The following SLA variants were observed in gnomAD, a reference collection of about 807,000 sequenced individuals.
SLA encodes the protein Src like adaptor.
Under a neutral mutation model 30.3 loss-of-function variants are expected in SLA, and 16 were observed. That is an observed-to-expected ratio of 0.53 (90% CI 0.36 to 0.80). The LOEUF (loss-of-function observed/expected upper bound fraction) is 0.80, where lower values mean the gene tolerates loss of function less well. Among genes scored for constraint, SLA ranks in the 30% least tolerant of loss-of-function variants. The pLI, the probability that SLA is intolerant of heterozygous loss-of-function variation, is 0.01. For missense variants in SLA, 310 were observed against 345.2 expected (o/e 0.90, Z 0.81); for synonymous variants, 143 against 137.8 (o/e 1.04, Z -0.26).
In SLA at chr8:133,102,582, T is replaced by A; in HGVS notation, c.-348A>T. The A allele has an allele frequency of 6.4e-7, 1 of 1,551,340 alleles. No homozygotes were observed. Among genetic ancestry groups the A allele is most frequent in the Non-Finnish European group, 8.7e-7 (1 of 1,146,646 alleles). On this transcript the variant is annotated 5_prime_UTR_variant, in exon 1 of 9. Transcript: ENST00000338087. ...GGAGCATCAGGGCTGCCTGAGATGT[T>A]CTCCATTCGCAGCAAATGATCTTAT...
intron 3 of SLA, among the ~76,000 whole-genome samples, chr8:133,053,876 G>A (rs1428689264): frequency 6.6e-6 from 1 of 152,184 alleles, no homozygotes; most frequent in Non-Finnish European, 1.5e-5. Context: ...AAACATCACT[G>A]AGGAAACTTT....
At chr8:133,094,947 G>A (rs2131634505) in intron 1 of SLA, 3 of 1,560,372 alleles carry the variant, frequency 1.9e-6, no homozygotes, top group South Asian at 2.2e-5. Flanking sequence ...AAGCTTGGAG[G>A]AAGGATGCAG....
chr8:133,060,141 G>A lies in SLA; in HGVS notation c.20C>T (p.Ser7Phe). Residue 7 changes from serine to phenylalanine, a missense_variant, in exon 3 of 9, where the codon TCC (serine) becomes TTC (phenylalanine). Ser to Phe is a radical substitution (Grantham distance 155, BLOSUM62 -2). Transcript: ENST00000338087. Reference sequence around the variant, plus strand: ...GGGCCTCTCGGCAGGCGCAGGGGTGGATTTCATGCTGTTTCCCATTTCTTT... The same window carrying A: ...GGGCCTCTCGGCAGGCGCAGGGGTGAATTTCATGCTGTTTCCCATTTCTTT... MGNSMKSTPAPAERPLP... is the reference protein window; with the variant it reads MGNSMKFTPAPAERPLP... 3 of 1,612,456 alleles carry A rather than the reference G, an allele frequency of 1.9e-6. No homozygotes were observed. The highest frequency in any genetic ancestry group is 2.5e-6 in the Non-Finnish European group (3 of 1,179,468).
At chr8:133,053,976 C>T (rs548584051) in intron 3 of SLA, among the ~76,000 whole-genome samples, 10 of 152,212 alleles carry the variant, frequency 6.6e-5, no homozygotes, top group Admixed American at 2.6e-4. Context: ...ATTAGCCAAA[C>T]GGGACAAAGT....
At chr8:133,091,526 C>T (rs761602699) in intron 1 of SLA, among the ~76,000 whole-genome samples, 46 of 152,160 alleles carry the variant, frequency 3.0e-4, no homozygotes, top group Non-Finnish European at 3.1e-4. Flanking sequence ...GGATTCCTCC[C>T]GGGAAATGCT....
intron 2 of SLA, among the ~76,000 whole-genome samples, chr8:133,060,915 C>G (rs1462719474): frequency 6.6e-6 from 1 of 152,228 alleles, no homozygotes; most frequent in Non-Finnish European, 1.5e-5. Flanking sequence ...TGCTAAATCT[C>G]TGGGTTGCTC....
At chr8:133,078,747 T>C (rs1447094072) in intron 1 of SLA, among the ~76,000 whole-genome samples, 1 of 152,210 alleles carries the variant, frequency 6.6e-6, no homozygotes, top group Non-Finnish European at 1.5e-5. Flanking sequence ...TCATTACGTA[T>C]TTGCTGAATT....
At chr8:133,060,744 C>A (rs550473539) in intron 2 of SLA, among the ~76,000 whole-genome samples, 2 of 152,244 alleles carry the variant, frequency 1.3e-5, no homozygotes, top group Non-Finnish European at 2.9e-5. Context: ...CTGCATGCTG[C>A]TGAAGCCCTT....
At chr8:133,058,261 G>T (rs1841824937) in intron 3 of SLA, among the ~76,000 whole-genome samples, 1 of 152,142 alleles carries the variant, frequency 6.6e-6, no homozygotes. Context: ...GGTTGAAAAA[G>T]CAGCCCACCA....
At chr8:133,058,595 G>A (rs1173772193) in intron 3 of SLA, among the ~76,000 whole-genome samples, 2 of 152,182 alleles carry the variant, frequency 1.3e-5, no homozygotes, top group Admixed American at 1.3e-4. Context: ...GCCCTGCGGT[G>A]TCAGTTTTCT....
At chr8:133,058,635 G>C (rs1056969007) in intron 3 of SLA, among the ~76,000 whole-genome samples, 2 of 152,198 alleles carry the variant, frequency 1.3e-5, no homozygotes, top group Non-Finnish European at 2.9e-5. Flanking sequence ...GGAGGAGGCT[G>C]TGGCCAAAGC....
chr8:133,101,225 G>T (rs770997481), intron 1 of SLA, among the ~76,000 whole-genome samples: 4 of 152,298 alleles, frequency 2.6e-5, no homozygotes, highest in Non-Finnish European at 5.9e-5. Context: ...ACACAGAACT[G>T]CAAGAGGGCA....
chr8:133,090,438 G>A (rs1847311521), intron 1 of SLA, among the ~76,000 whole-genome samples: 1 of 152,170 alleles, frequency 6.6e-6, no homozygotes. Flanking sequence ...GAGCAAAAAA[G>A]CACCTTGGCC....
At chr8:133,065,378 T>C (rs1842901897) in intron 2 of SLA, among the ~76,000 whole-genome samples, 1 of 152,252 alleles carries the variant, frequency 6.6e-6, no homozygotes, top group Non-Finnish European at 1.5e-5. Flanking sequence ...ACCTGTGCTC[T>C]AACTCGCCAC....
chr8:133,039,816 C>T (rs998631316), intron 8 of SLA, among the ~76,000 whole-genome samples, 182 bp downstream of exon 8: 1 of 152,118 alleles, frequency 6.6e-6, no homozygotes, highest in African/African-American at 2.4e-5. Flanking sequence ...GCCCCTGCAC[C>T]CAGGGATTCC....
Position 133,096,590 on chromosome 8 carries a change from A to G in SLA, c.-319+5963T>C, listed in dbSNP as rs527631084. ...GCACATCCACAAATTACAGCTGTGA[A>G]TGAATCGCTGTGGAAAACTGGAGCT... On this transcript the variant is annotated intron_variant, in intron 1 of 8. Transcript: ENST00000338087. 3.3e-5 allele frequency among the ~76,000 whole-genome samples: 5 copies of G among 152,310 alleles called. No individual in the cohort carries two copies. The East Asian group carries it at 9.7e-4, about 29-fold the overall frequency.
intron 2 of SLA, among the ~76,000 whole-genome samples, chr8:133,070,423 G>A (rs1843824523): frequency 6.6e-6 from 1 of 152,238 alleles, no homozygotes; most frequent in Admixed American, 6.5e-5. Flanking sequence ...CCACTATGCG[G>A]AGGGCCTAAA....
At chr8:133,050,744 A>G (rs1362977226) in intron 4 of SLA, 72 bp downstream of exon 4, 7 of 1,026,194 alleles carry the variant, frequency 6.8e-6, no homozygotes, top group Admixed American at 3.4e-5. Context: ...CTAGCTAACA[A>G]TCAAATACTT....
At position 133,085,160 on chromosome 8, in the gene SLA, T is replaced by C. The variant is rs562966426; in HGVS notation, c.-318-10030A>G. ...GGTGAGTGATTTAAGCTTGCAAGTA[T>C]AAAAATATACCAAGGTATAATCTCT... is the stretch of plus-strand genomic sequence containing the variant. On this transcript the variant is annotated intron_variant, in intron 1 of 8. Transcript: ENST00000338087. Among the ~76,000 whole-genome samples the C allele has an allele frequency of 2.9e-4, 44 of 152,310 alleles. No homozygotes were observed. In the South Asian group the frequency reaches 8.9e-3, roughly 31 times the overall value.
Sources: gnomAD v4.1 joint callset for allele counts (sites outside exome capture counted in the v4.1 genomes callset) on GRCh38, gnomAD v4.1.1 for gene constraint, MANE v1.5 for transcripts, NCBI Gene and HGNC (gene_info 2026-07-23, HGNC 2026-07-21) for gene names.